Variants in PTPRG observed in about 807,000 individuals in gnomAD.
PTPRG encodes the protein receptor-type tyrosine-protein phosphatase gamma.
Under a neutral mutation model 165.3 loss-of-function variants are expected in PTPRG, and 102 were observed. The observed-to-expected ratio is 0.62, with a 90% CI of 0.53 to 0.73. PTPRG has a LOEUF of 0.73. Among genes scored for constraint, PTPRG ranks in the 30% least tolerant of loss-of-function variants. The pLI, the probability that PTPRG is intolerant of heterozygous loss-of-function variation, is 0.00. For missense variants in PTPRG, 1,866 were observed against 1,861.4 expected (o/e 1.00, Z -0.05); for synonymous variants, 675 against 669.5 (o/e 1.01, Z -0.13).
At chr3:61,791,718 C>G (rs1204177793) in intron 2 of PTPRG, among the ~76,000 whole-genome samples, 1 of 152,196 alleles carries the variant, frequency 6.6e-6, no homozygotes, top group African/African-American at 2.4e-5. Context: ...AAACTCCTGA[C>G]CTCAGGTGAT....
At chr3:62,086,425 T>A in intron 5 of PTPRG, among the ~76,000 whole-genome samples, 1 of 152,146 alleles carries the variant, frequency 6.6e-6, no homozygotes, top group African/African-American at 2.4e-5. Flanking sequence ...AAACAAGAAC[T>A]ATTTTTGAGT....
chr3:61,931,113 G>C (rs901314460), intron 2 of PTPRG, among the ~76,000 whole-genome samples: 2 of 152,098 alleles, frequency 1.3e-5, no homozygotes, highest in African/African-American at 2.4e-5. Flanking sequence ...ATGTGCTGTG[G>C]TTCCTGCAGC....
chr3:62,269,851 C>T (rs1002115965), intron 20 of PTPRG, among the ~76,000 whole-genome samples: 1 of 152,000 alleles, frequency 6.6e-6, no homozygotes, highest in Non-Finnish European at 1.5e-5. Flanking sequence ...TCAAGACCCC[C>T]GGTGGATGCT....
chr3:61,776,989 G>T (rs567081929), intron 2 of PTPRG, among the ~76,000 whole-genome samples: 1 of 152,226 alleles, frequency 6.6e-6, no homozygotes, highest in African/African-American at 2.4e-5. Context: ...TGAAATTTGT[G>T]GGGGTCGAGG....
At chr3:62,253,847 G>A (rs895675945) in intron 15 of PTPRG, among the ~76,000 whole-genome samples, 14 of 152,130 alleles carry the variant, frequency 9.2e-5, no homozygotes, top group Admixed American at 7.2e-4. Context: ...CACACAGGAA[G>A]AATTTGTACT....
chr3:61,564,233 G>A (rs760603225), intron 1 of PTPRG, among the ~76,000 whole-genome samples: 31 of 152,346 alleles, frequency 2.0e-4, no homozygotes, highest in Middle Eastern at 3.4e-3. Flanking sequence ...CGACTGAGCG[G>A]GCTCAGGTGC....
At chr3:61,603,561 C>T (rs1700922591) in intron 1 of PTPRG, among the ~76,000 whole-genome samples, 1 of 152,074 alleles carries the variant, frequency 6.6e-6, no homozygotes, top group South Asian at 2.1e-4. Flanking sequence ...GCAATCATGG[C>T]CTAATATAGC....
Position 62,238,425 on chromosome 3 carries a change from G to A in PTPRG, c.2376-5382G>A, listed in dbSNP as rs181024168. ...CAGGAAACTTGGAATTCAGGATGTC[G>A]GAACATCATTATTATTAATAATATT... On this transcript the variant is annotated intron_variant, in intron 14 of 29. Coordinates refer to ENST00000474889, the MANE Select transcript of PTPRG (RefSeq NM_002841.4). 9.2e-5 allele frequency among the ~76,000 whole-genome samples: 14 copies of A among 152,040 alleles called. No individual in the cohort carries two copies. In the East Asian group the frequency reaches 1.2e-3, roughly 13 times the overall value.
intron 16 of PTPRG, among the ~76,000 whole-genome samples, chr3:62,259,920 T>C (rs1701643687): frequency 6.6e-6 from 1 of 152,134 alleles, no homozygotes; most frequent in African/African-American, 2.4e-5. Flanking sequence ...GTGGGGAAGA[T>C]AAGATGGGAC....
rs146028507 is a variant in PTPRG at position 62,281,493 on chromosome 3, C to T, written c.3766-70C>T. 167 of 1,324,968 alleles carry T rather than the reference C, an allele frequency of 1.3e-4. No individual in the cohort carries two copies. In the African/African-American group the frequency reaches 1.8e-3, roughly 14 times the overall value. The allele number at this position is 1,324,968 out of a possible 1,614,324, so 82.1% of individuals were successfully genotyped here. On this transcript the variant is annotated intron_variant, in intron 26 of 29. Coordinates refer to ENST00000474889, the MANE Select transcript of PTPRG (RefSeq NM_002841.4). The stretch of plus-strand genomic sequence containing the variant: ...GAGAGGGATGGGAAATGACAAAATC[C>T]GTATGCAAGAAATAGAAAACAAATC...
chr3:61,889,428 A>G (rs898729272), intron 2 of PTPRG, among the ~76,000 whole-genome samples: 4 of 152,186 alleles, frequency 2.6e-5, no homozygotes, highest in Non-Finnish European at 4.4e-5. Context: ...TCATTGTGTT[A>G]TATATCCATG....
intron 2 of PTPRG, among the ~76,000 whole-genome samples, chr3:61,877,776 T>C (rs1004807938): frequency 6.6e-6 from 1 of 152,232 alleles, no homozygotes; most frequent in Non-Finnish European, 1.5e-5. Context: ...GTCTTCTCTT[T>C]GCTTCCAAGG....
At position 62,275,913 on chromosome 3, in the gene PTPRG, G is replaced by A; in HGVS notation, c.3506G>A (p.Ser1169Asn). Residue 1169 changes from serine to asparagine, a missense_variant, in exon 24 of 30, where the codon AGT becomes AAT. Ser to Asn is a conservative substitution (Grantham distance 46, BLOSUM62 1). Around this residue, in one of 3 missense-constraint regions of PTPRG, gnomAD observed 1,452 missense variants for 1,463.0 expected, o/e 0.99. Transcript: ENST00000474889. ...AATGCAAAATATGTGGAATGTTTCA[G>A]TGCTCAGAAAGAGTGTAACAAAGAA... ...QCNAKYVECF[S>N]AQKECNKEKN... 2 of 1,611,994 alleles carry A rather than the reference G, an allele frequency of 1.2e-6. No homozygotes were observed. The highest frequency in any genetic ancestry group is 1.7e-6 in the Non-Finnish European group (2 of 1,178,744).
chr3:62,140,244 C>G (rs1576053104), intron 6 of PTPRG, among the ~76,000 whole-genome samples: 1 of 152,200 alleles, frequency 6.6e-6, no homozygotes, highest in Non-Finnish European at 1.5e-5. Flanking sequence ...TACACATGCA[C>G]CCCGCCCTCT....
At chr3:61,605,564 T>A (rs1700979614) in intron 1 of PTPRG, among the ~76,000 whole-genome samples, 1 of 83,074 alleles carries the variant, frequency 1.2e-5, no homozygotes, top group South Asian at 8.2e-4. Context: ...CCAATTTTTT[T>A]ATTTTTTTGT....
chr3:61,694,965 A>T (rs991791805), intron 1 of PTPRG, among the ~76,000 whole-genome samples: 1 of 151,654 alleles, frequency 6.6e-6, no homozygotes, highest in African/African-American at 2.4e-5. Flanking sequence ...TGGGGAGGAG[A>T]CCTACTTTTC....
chr3:61,994,608 G>C (rs886924403), intron 3 of PTPRG, among the ~76,000 whole-genome samples: 1 of 152,196 alleles, frequency 6.6e-6, no homozygotes, highest in Non-Finnish European at 1.5e-5. Flanking sequence ...TAAAAGTAAG[G>C]CAAGTAGTAG....
At chr3:62,180,826 A>T (rs1205189847) in intron 8 of PTPRG, among the ~76,000 whole-genome samples, 1 of 152,148 alleles carries the variant, frequency 6.6e-6, no homozygotes, top group Non-Finnish European at 1.5e-5. Context: ...GAGGTAAGAG[A>T]GGTCAGGGAG....
At chr3:62,102,040 A>G (rs1336376414) in intron 5 of PTPRG, among the ~76,000 whole-genome samples, 1 of 152,036 alleles carries the variant, frequency 6.6e-6, no homozygotes, top group Non-Finnish European at 1.5e-5. Context: ...CCTATTTAAA[A>G]TGTATTTGCT....
Sources: allele counts gnomAD v4.1 joint callset (sites outside exome capture counted in the v4.1 genomes callset), GRCh38; gene constraint gnomAD v4.1.1; regional missense constraint gnomAD v4.1.1; transcripts MANE v1.5; gene names NCBI Gene and HGNC (gene_info 2026-07-23, HGNC 2026-07-21).